Variants in NUCB2 observed in about 807,000 individuals in gnomAD.
The protein encoded by NUCB2 is nucleobindin-2.
Under a neutral mutation model 57.9 loss-of-function variants are expected in NUCB2, and 48 were observed. The observed-to-expected ratio is 0.83, with a 90% CI of 0.66 to 1.05. The LOEUF is 1.05. Among genes scored for constraint, NUCB2 ranks in the 50% least tolerant of loss-of-function variants. NUCB2 has a pLI of 0.00. For missense variants in NUCB2, 442 were observed against 476.2 expected, an observed-to-expected ratio of 0.93 and a Z score of 0.67; for synonymous variants, 139 against 152.1, an observed-to-expected ratio of 0.91 and a Z score of 0.64.
chr11:17,284,769 A>G (rs1943335397), intron 2 of NUCB2, among the ~76,000 whole-genome samples: 1 of 152,186 alleles, frequency 6.6e-6, no homozygotes, highest in Admixed American at 6.5e-5. Flanking sequence ...GGTGAATACC[A>G]TTTTCATGAC....
In NUCB2 at chr11:17,330,850, C is replaced by A; in HGVS notation, c.1174-52C>A. The A allele has an allele frequency of 9.7e-7, 1 of 1,028,474 alleles. No individual in the cohort carries two copies. The highest frequency in any genetic ancestry group is 1.5e-6 in the Non-Finnish European group (1 of 648,890). The allele number at this position is 1,028,474 out of a possible 1,614,324, so 63.7% of individuals were successfully genotyped here. A position where few individuals can be genotyped will look rare whatever the true frequency, so the allele number is the denominator to read the frequency against. ...TTGTTGTGCTTTGTCAAAGGTCACACATATGATAGAAAATCAAGTTATACT... is the reference window on the plus strand; with the variant it reads ...TTGTTGTGCTTTGTCAAAGGTCACAAATATGATAGAAAATCAAGTTATACT... On this transcript the variant is annotated intron_variant, in intron 12 of 13. Transcript: ENST00000529010. This position sits in a 1 kb window ranked among gnomAD's most constrained non-coding sequence, Gnocchi z 4.3.
chr11:17,288,552 C>CTTCTTTTTTT (rs1375589442), intron 2 of NUCB2, among the ~76,000 whole-genome samples: 7 of 101,186 alleles, frequency 6.9e-5, no homozygotes, highest in African/African-American at 3.1e-4. Context: ...TCTTCTTCTT[C>CTTCTTTTTTT]TTTTTTTTTT....
At chr11:17,294,522 G>A (rs1261396041) in intron 2 of NUCB2, among the ~76,000 whole-genome samples, 1 of 152,000 alleles carries the variant, frequency 6.6e-6, no homozygotes, top group African/African-American at 2.4e-5. Context: ...GTTTGTTAAT[G>A]GCAAGACAAT....
chr11:17,337,810 T>C (rs540845405), intron 2 of NUCB2, among the ~76,000 whole-genome samples: 6 of 152,214 alleles, frequency 3.9e-5, no homozygotes, highest in African/African-American at 1.4e-4. Context: ...ATTTTTTATA[T>C]TTTTAGTAGA....
At chr11:17,285,646 A>G (rs1233788204) in intron 2 of NUCB2, among the ~76,000 whole-genome samples, 1 of 144,676 alleles carries the variant, frequency 6.9e-6, no homozygotes, top group East Asian at 2.2e-4. Flanking sequence ...CAGGAGGCTG[A>G]GGCAGGAGAA....
chr11:17,279,710 A>T (rs1942131800), intron 1 of NUCB2, among the ~76,000 whole-genome samples: 1 of 151,680 alleles, frequency 6.6e-6, no homozygotes, highest in African/African-American at 2.4e-5. Context: ...GAATTCTCTG[A>T]TTCTAAAATC....
At chr11:17,278,870 G>T (rs214075) in intron 1 of NUCB2, among the ~76,000 whole-genome samples, 70,646 of 151,986 alleles carry the variant, frequency 0.46, 17,071 homozygotes, top group East Asian at 0.8. Context: ...GCTGGCAGAA[G>T]CAAGTGCAGG....
intron 11 of NUCB2, among the ~76,000 whole-genome samples, chr11:17,320,417 C>T (rs1949864902): frequency 6.6e-6 from 1 of 152,164 alleles, no homozygotes; most frequent in African/African-American, 2.4e-5. Context: ...TGCCTGTAAT[C>T]TCAGCACTTT....
At chr11:17,337,678 TC>T (rs1951925568) in intron 2 of NUCB2, 1 of 152,136 alleles carries the variant, frequency 6.6e-6, no homozygotes, top group Non-Finnish European at 1.5e-5. Context: ...AGTTTCACTC[TC>T]GTTGCCCAGG....
At chr11:17,317,291 GTA>G (rs1358814304) in intron 11 of NUCB2, among the ~76,000 whole-genome samples, 2 of 151,780 alleles carry the variant, frequency 1.3e-5, no homozygotes, top group African/African-American at 2.4e-5. Context: ...ATATACTTAT[GTA>G]TATGTTATGT....
At chr11:17,329,270 C>G (rs573350486) in intron 11 of NUCB2, among the ~76,000 whole-genome samples, 1 of 152,184 alleles carries the variant, frequency 6.6e-6, no homozygotes, top group African/African-American at 2.4e-5. Flanking sequence ...GTAGCACAAG[C>G]GTTCCCTTAG....
chr11:17,285,445 CA>C, intron 2 of NUCB2, among the ~76,000 whole-genome samples: 1 of 152,150 alleles, frequency 6.6e-6, no homozygotes, highest in South Asian at 2.1e-4. Flanking sequence ...GGCATGGTGG[CA>C]TGCGCCTGTA....
intron 10 of NUCB2, 28 bp downstream of exon 10, chr11:17,312,148 G>A (rs1313483717): frequency 7.6e-6 from 8 of 1,051,072 alleles, no homozygotes; most frequent in Non-Finnish European, 1.1e-5. Context: ...AAGATAATAT[G>A]TTATTTCTAT....
intron 5 of NUCB2, 36 bp downstream of exon 5, chr11:17,301,906 T>C (rs778798315): frequency 5.1e-5 from 80 of 1,573,576 alleles, no homozygotes; most frequent in Non-Finnish European, 6.3e-5. Context: ...TTTTTTTTTC[T>C]TTTTTCCTTT....
chr11:17,339,205 C>T (rs1952046658), intron 2 of NUCB2, among the ~76,000 whole-genome samples: 3 of 151,740 alleles, frequency 2.0e-5, no homozygotes, highest in African/African-American at 7.3e-5. Flanking sequence ...TCATGCTGGT[C>T]TTGAATGCCT....
In NUCB2 at chr11:17,319,011, GA is replaced by G. The variant is rs1022061739; in HGVS notation, c.1002+3546del. Reference sequence around the variant, plus strand: ...TGTAATGAGACCCTGTCTCTAAAAAGAAAAAAAAAATTTTTTTAAAATACTT... The same window carrying G: ...TGTAATGAGACCCTGTCTCTAAAAAGAAAAAAAAATTTTTTTAAAATACTT... On this transcript the variant is annotated intron_variant, in intron 11 of 13. Coordinates refer to ENST00000529010, the MANE Select transcript of NUCB2 (RefSeq NM_005013.4). Among the ~76,000 whole-genome samples, 243 of 150,390 alleles carry G rather than the reference GA, an allele frequency of 1.6e-3. 2 individuals are homozygous for G. Among genetic ancestry groups the G allele is most frequent in the East Asian group, 3.5e-3 (18 of 5,128 alleles).
chr11:17,348,319 G>GTTTTTTT (rs55741571), intron 2 of NUCB2, among the ~76,000 whole-genome samples: 2 of 84,446 alleles, frequency 2.4e-5, no homozygotes, highest in Non-Finnish European at 4.3e-5. Flanking sequence ...TTGTTTTTGT[G>GTTTTTTT]TTTTTTTTTT....
chr11:17,319,654 A>G (rs1216633769), intron 11 of NUCB2, among the ~76,000 whole-genome samples: 3 of 152,210 alleles, frequency 2.0e-5, no homozygotes, highest in Admixed American at 6.5e-5. Context: ...ATATCTATCA[A>G]TATATATTAA....
intron 6 of NUCB2, 68 bp downstream of exon 6, chr11:17,309,743 C>A: frequency 1.1e-6 from 1 of 919,166 alleles, no homozygotes; most frequent in Admixed American, 2.5e-5. Flanking sequence ...ACAAGTAAAC[C>A]CAATGAAATG....
Sources: allele counts gnomAD v4.1 joint callset (sites outside exome capture counted in the v4.1 genomes callset), GRCh38; gene constraint gnomAD v4.1.1; non-coding constraint Gnocchi (gnomAD v3.1); transcripts MANE v1.5; gene names NCBI Gene and HGNC (gene_info 2026-07-23, HGNC 2026-07-21).